The following RALYL variants were observed in gnomAD, a reference collection of about 807,000 sequenced individuals.
The protein encoded by RALYL is RALY RNA binding protein like, also known as RNA-binding Raly-like protein.
Under a neutral mutation model 35.1 loss-of-function variants are expected in RALYL, and 29 were observed. That is an observed-to-expected ratio of 0.83 (90% CI 0.61 to 1.13). The LOEUF (loss-of-function observed/expected upper bound fraction) is 1.13. Ranked by LOEUF, RALYL falls within the 50% of genes most tolerant of loss-of-function variation. The pLI, the probability that RALYL is intolerant of heterozygous loss-of-function variation, is 0.00. For missense variants in RALYL, 359 were observed against 360.4 expected, an observed-to-expected ratio of 1.00 and a Z score of 0.03; for synonymous variants, 120 against 127.6, an observed-to-expected ratio of 0.94 and a Z score of 0.40.
chr8:84,246,856 A>G (rs73688440), intron 1 of RALYL, among the ~76,000 whole-genome samples: 1 of 152,142 alleles, frequency 6.6e-6, no homozygotes, highest in South Asian at 2.1e-4. Flanking sequence ...CCAAGCAAAA[A>G]AAAAGTGATC....
At chr8:84,801,781 A>ATGTT (rs1823340283) in intron 3 of RALYL, among the ~76,000 whole-genome samples, 1 of 152,212 alleles carries the variant, frequency 6.6e-6, no homozygotes, top group Non-Finnish European at 1.5e-5. Context: ...TGGTGAGGGC[A>ATGTT]TGTTTGTGAA....
At chr8:84,794,257 T>C (rs1022985459) in intron 3 of RALYL, among the ~76,000 whole-genome samples, 2 of 152,216 alleles carry the variant, frequency 1.3e-5, no homozygotes, top group African/African-American at 2.4e-5. Flanking sequence ...TTGACTCTTA[T>C]ATCTTCATCT....
At chr8:84,343,640 A>G (rs1445156529) in intron 1 of RALYL, among the ~76,000 whole-genome samples, 5 of 151,520 alleles carry the variant, frequency 3.3e-5, no homozygotes, top group Admixed American at 2.6e-4. Context: ...ATTTTATTTC[A>G]TTTTTTTAAG....
intron 1 of RALYL, among the ~76,000 whole-genome samples, chr8:84,508,653 A>G (rs1346427002): frequency 1.3e-4 from 20 of 151,980 alleles, no homozygotes; most frequent in Admixed American, 1.3e-3. Flanking sequence ...AATTATATAC[A>G]TATATATATT....
At position 84,529,441 on chromosome 8, in the gene RALYL, C is replaced by A. The variant is rs267602019; in HGVS notation, c.120C>A (p.Ala40=). Residue 40 remains alanine, a synonymous_variant, in exon 2 of 9, where the codon GCC becomes GCA. Coordinates refer to ENST00000521268, the MANE Select transcript of RALYL (RefSeq NM_173848.7). The stretch of plus-strand genomic sequence containing the variant: ...TTGTCAAGAAAGTTGACATTGAAGC[C>A]ATTTTTTCAAAGTATGGAAAAATAG... ...TAIVKKVDIE[A]IFSKYGKIVG... is the part of the protein sequence containing the mutation. 4.3e-6 allele frequency: 7 copies of A among 1,613,414 alleles called. No individual in the cohort carries two copies. The highest frequency in any genetic ancestry group is 1.3e-5 in the African/African-American group (1 of 74,894).
At chr8:84,888,562 T>C (rs1317489913) in intron 8 of RALYL, among the ~76,000 whole-genome samples, 1 of 152,140 alleles carries the variant, frequency 6.6e-6, no homozygotes, top group East Asian at 1.9e-4. Flanking sequence ...TCATGTTAAA[T>C]TTGGCTTATC....
intron 2 of RALYL, among the ~76,000 whole-genome samples, chr8:84,561,426 CT>C (rs1446353041): frequency 2.6e-5 from 4 of 151,948 alleles, no homozygotes; most frequent in South Asian, 2.1e-4. Flanking sequence ...GTAGTCCCCC[CT>C]ATCTGTGGCC....
chr8:84,793,100 A>G (rs1283150782), intron 3 of RALYL, among the ~76,000 whole-genome samples: 1 of 152,198 alleles, frequency 6.6e-6, no homozygotes, highest in Non-Finnish European at 1.5e-5. Context: ...TAGGCAATTG[A>G]ATATCTAATC....
chr8:84,761,555 T>A (rs930581895), intron 2 of RALYL, among the ~76,000 whole-genome samples: 30 of 152,242 alleles, frequency 2.0e-4, no homozygotes, highest in African/African-American at 7.0e-4. Context: ...CCTTTAACTG[T>A]AAAGTGACCA....
At chr8:84,423,194 G>A (rs1234418765) in intron 1 of RALYL, among the ~76,000 whole-genome samples, 1 of 151,408 alleles carries the variant, frequency 6.6e-6, no homozygotes, top group East Asian at 1.9e-4. Flanking sequence ...AAGTCTCTTT[G>A]TAGGTCACTC....
rs1451098674 is a variant in RALYL at position 84,505,958 on chromosome 8, T to G, written c.-23-23341T>G. ...CCATGTGTGCTAAGTTTTTCTGATT[T>G]TTGTACTTTCCTTACACATGCTAGT... On this transcript the variant is annotated intron_variant, in intron 1 of 8. Coordinates refer to ENST00000521268, the MANE Select transcript of RALYL (RefSeq NM_173848.7). Among the ~76,000 whole-genome samples the G allele has an allele frequency of 2.0e-5, 3 of 152,242 alleles. No homozygotes were observed. The East Asian group carries it at 5.8e-4, about 29-fold the overall frequency.
intron 1 of RALYL, among the ~76,000 whole-genome samples, chr8:84,233,564 T>C (rs75121408): frequency 0.03 from 4,594 of 152,264 alleles, 86 homozygotes; most frequent in Middle Eastern, 0.054. Flanking sequence ...CAAGGACTAG[T>C]ACTGCTTCTT....
intron 1 of RALYL, among the ~76,000 whole-genome samples, chr8:84,402,275 C>A (rs955199016): frequency 2.6e-5 from 4 of 152,172 alleles, no homozygotes; most frequent in African/African-American, 4.8e-5. Context: ...GATAAACATG[C>A]TGCATAGCTC....
intron 1 of RALYL, among the ~76,000 whole-genome samples, chr8:84,387,803 CT>C (rs112006834): frequency 0.15 from 20,358 of 135,360 alleles, 1,588 homozygotes; most frequent in African/African-American, 0.25. Flanking sequence ...TTCTTTCTTT[CT>C]TTTTTTTTTT....
chr8:84,555,003 T>A (rs1036439965), intron 2 of RALYL, among the ~76,000 whole-genome samples: 8 of 152,028 alleles, frequency 5.3e-5, no homozygotes, highest in Non-Finnish European at 1.0e-4. Context: ...TATGTTGGCC[T>A]GGCACAGTGG....
chr8:84,617,206 G>A (rs997277606), intron 2 of RALYL, among the ~76,000 whole-genome samples: 6 of 151,396 alleles, frequency 4.0e-5, no homozygotes, highest in Non-Finnish European at 5.9e-5. Flanking sequence ...TCACGATATT[G>A]ATTGTTCCTA....
chr8:84,525,171 T>G (rs188178287), intron 1 of RALYL, among the ~76,000 whole-genome samples: 1 of 152,042 alleles, frequency 6.6e-6, no homozygotes, highest in African/African-American at 2.4e-5. Context: ...CATAGAAAAT[T>G]CTTTGGAACA....
At chr8:84,446,001 T>C (rs1045632551) in intron 1 of RALYL, among the ~76,000 whole-genome samples, 1 of 151,964 alleles carries the variant, frequency 6.6e-6, no homozygotes, top group African/African-American at 2.4e-5. Context: ...AAATTTATAT[T>C]GAAAATATCA....
At chr8:84,851,635 G>A (rs370468961) in intron 5 of RALYL, among the ~76,000 whole-genome samples, 51 of 152,228 alleles carry the variant, frequency 3.4e-4, no homozygotes, top group African/African-American at 1.1e-3. Context: ...TCCTTGAAAG[G>A]GTCTTATTCT....
Sources: gnomAD v4.1 joint callset for allele counts (sites outside exome capture counted in the v4.1 genomes callset) on GRCh38, gnomAD v4.1.1 for gene constraint, MANE v1.5 for transcripts, NCBI Gene and HGNC (gene_info 2026-07-23, HGNC 2026-07-21) for gene names.